The following TXNDC8 variants were observed in gnomAD, a reference collection of about 807,000 sequenced individuals.
TXNDC8 encodes thioredoxin domain-containing protein 8.
Under a neutral mutation model 12.9 loss-of-function variants are expected in TXNDC8, and 15 were observed. The observed-to-expected ratio is 1.16, with a 90% CI of 0.78 to 1.79. The LOEUF (loss-of-function observed/expected upper bound fraction) is 1.79, where lower values mean the gene tolerates loss of function less well. Ranked by LOEUF, TXNDC8 falls within the 40% of genes most tolerant of loss-of-function variation. The probability of loss-of-function intolerance (pLI) is 0.00; values close to 1 mark genes in which losing one functional copy is unlikely to be tolerated. For synonymous variants in TXNDC8, 40 were observed against 35.4 expected (o/e 1.13, Z -0.46); for missense variants, 128 against 113.2 (o/e 1.13, Z -0.59).
chr9:110,337,718 C>G, intron 1 of TXNDC8, 55 bp downstream of exon 1: 1 of 1,558,738 alleles, frequency 6.4e-7, no homozygotes, highest in Non-Finnish European at 8.8e-7. Flanking sequence ...TTTTTCAAAT[C>G]TGTTCCCAAG....
At chr9:110,316,824 A>G (rs1400948372) in intron 3 of TXNDC8, among the ~76,000 whole-genome samples, 4 of 152,236 alleles carry the variant, frequency 2.6e-5, no homozygotes, top group African/African-American at 9.6e-5. Context: ...GTAAAGGATC[A>G]GATAATACCA....
At chr9:110,323,830 A>G in intron 3 of TXNDC8, 7 of 1,541,994 alleles carry the variant, frequency 4.5e-6, no homozygotes, top group Non-Finnish European at 6.1e-6. Context: ...TCAGACTCAT[A>G]TCTTCCCAAA....
chr9:110,334,835 G>A (rs1839685434), intron 1 of TXNDC8, among the ~76,000 whole-genome samples: 1 of 152,140 alleles, frequency 6.6e-6, no homozygotes, highest in African/African-American at 2.4e-5. Context: ...TGCATGACTA[G>A]TGAACTTTAA....
chr9:110,307,712 G>A (rs935928761), intron 3 of TXNDC8, among the ~76,000 whole-genome samples: 1 of 152,238 alleles, frequency 6.6e-6, no homozygotes, highest in East Asian at 1.9e-4. Context: ...GCCTCCTTTG[G>A]AAATGCTAAT....
In TXNDC8 at chr9:110,337,767, A is replaced by T. The variant is rs754354701; in HGVS notation, c.24+6T>A. The T allele has an allele frequency of 8.7e-6, 14 of 1,613,756 alleles. No individual in the cohort carries two copies. In the African/African-American group the frequency reaches 1.6e-4, roughly 18 times the overall value. ...AAATACTCAGTGAAGCCAAATAAATACTTGCCGTGTCTTTAATAATCTGTA... is the reference window on the plus strand; with the variant it reads ...AAATACTCAGTGAAGCCAAATAAATTCTTGCCGTGTCTTTAATAATCTGTA... On this transcript the variant is annotated splice_donor_region_variant and intron_variant, in intron 1 of 4. Transcript: ENST00000423740.
chr9:110,325,410 T>C (rs1839269587), intron 3 of TXNDC8, among the ~76,000 whole-genome samples: 1 of 152,210 alleles, frequency 6.6e-6, no homozygotes. Context: ...ATGTGAATCA[T>C]GGGAACCTGA....
intron 3 of TXNDC8, among the ~76,000 whole-genome samples, chr9:110,314,218 C>A (rs1355576070): frequency 2.0e-5 from 3 of 152,086 alleles, no homozygotes; most frequent in African/African-American, 4.8e-5. Flanking sequence ...GCCCCCTCCC[C>A]ACTTTGAGTT....
intron 2 of TXNDC8, among the ~76,000 whole-genome samples, chr9:110,332,873 A>G (rs1291037836): frequency 2.6e-5 from 4 of 152,248 alleles, no homozygotes; most frequent in Non-Finnish European, 4.4e-5. Flanking sequence ...AATATTTTAC[A>G]AAGTAAATCA....
intron 3 of TXNDC8, among the ~76,000 whole-genome samples, chr9:110,314,344 A>G (rs975081566): frequency 1.5e-4 from 23 of 152,148 alleles, no homozygotes; most frequent in African/African-American, 4.8e-4. Context: ...ACATGTCATC[A>G]GGGACTCTTG....
chr9:110,323,712 A>C (rs1839197534), intron 3 of TXNDC8: 7 of 806,794 alleles, frequency 8.7e-6, no homozygotes, highest in Non-Finnish European at 1.3e-5. Context: ...TCAGGCATGG[A>C]TAGATTCAGG....
rs370115575 is a variant in TXNDC8 at position 110,334,198 on chromosome 9, T to C, written c.129+18A>G. 3.2e-6 allele frequency: 5 copies of C among 1,579,220 alleles called. No homozygotes were observed. The highest frequency in any genetic ancestry group is 4.5e-5 in the East Asian group (2 of 44,396). ...AAATTTCTTCTGAAACTATGAGATA[T>C]ATACTGGTTGTACTCACATGGAAAA... is the stretch of plus-strand genomic sequence containing the variant. On this transcript the variant is annotated intron_variant, in intron 2 of 4. Transcript: ENST00000423740.
chr9:110,332,497 C>G (rs1483464705), intron 2 of TXNDC8, among the ~76,000 whole-genome samples: 7 of 152,112 alleles, frequency 4.6e-5, no homozygotes, highest in Admixed American at 3.9e-4. Flanking sequence ...CAGGCTGTGA[C>G]TGAGGCTCAG....
intron 2 of TXNDC8, chr9:110,329,248 T>A: frequency 1.2e-6 from 2 of 1,612,026 alleles, no homozygotes; most frequent in South Asian, 2.2e-5. Flanking sequence ...ATTGTTCACA[T>A]CCACATTAGC....
Position 110,317,874 on chromosome 9 carries a change from C to T in TXNDC8, c.195+8301G>A, listed in dbSNP as rs1385129568. 2.0e-5 allele frequency among the ~76,000 whole-genome samples: 3 copies of T among 152,318 alleles called. No individual in the cohort carries two copies. The East Asian group carries it at 5.8e-4, about 29-fold the overall frequency. The stretch of plus-strand genomic sequence containing the variant: ...GAACTATGTTTGACCCTTCACCACC[C>T]CCTAGAAATGTGGCCCTCCAAGTGT... On this transcript the variant is annotated intron_variant, in intron 3 of 4. Coordinates refer to ENST00000423740, the MANE Select transcript of TXNDC8 (RefSeq NM_001286946.2).
At chr9:110,325,114 CATCCCCCCACCCCCGAAAAA>C (rs981329177) in intron 3 of TXNDC8, among the ~76,000 whole-genome samples, 1 of 152,008 alleles carries the variant, frequency 6.6e-6, no homozygotes, top group Admixed American at 6.5e-5. Context: ...TGCAAGACTC[CATCCCCCCACCCCCGAAAAA>C]AAAAGAACAA....
intron 3 of TXNDC8, among the ~76,000 whole-genome samples, chr9:110,309,467 C>T (rs10980316): frequency 7.9e-5 from 12 of 152,168 alleles, no homozygotes; most frequent in Admixed American, 2.0e-4. Flanking sequence ...TCCCTAGTAG[C>T]TGGAATTACA....
intron 3 of TXNDC8, among the ~76,000 whole-genome samples, chr9:110,314,439 T>C (rs1838802807): frequency 1.1e-5 from 1 of 91,110 alleles, no homozygotes; most frequent in Non-Finnish European, 2.3e-5. Context: ...TTCTTTTTTC[T>C]TTTTTTTTTT....
At chr9:110,311,449 G>T (rs775332132) in intron 3 of TXNDC8, among the ~76,000 whole-genome samples, 16 of 139,354 alleles carry the variant, frequency 1.1e-4, no homozygotes, top group Non-Finnish European at 1.8e-4. Context: ...CTTATTTAAA[G>T]GTTATGTATA....
intron 3 of TXNDC8, chr9:110,323,714 A>T (rs965483935): frequency 7.5e-6 from 6 of 802,486 alleles, no homozygotes; most frequent in African/African-American, 7.0e-5. Flanking sequence ...AGGCATGGAT[A>T]GATTCAGGGT....
Sources: allele counts gnomAD v4.1 joint callset (sites outside exome capture counted in the v4.1 genomes callset), GRCh38; gene constraint gnomAD v4.1.1; transcripts MANE v1.5; gene names NCBI Gene and HGNC (gene_info 2026-07-23, HGNC 2026-07-21).